The following AZIN2 variants were observed in gnomAD, a reference collection of about 807,000 sequenced individuals.
The protein encoded by AZIN2 is ODC antizyme inhibitor-2.
AZIN2 carries 28 observed loss-of-function variants against 47.8 expected under a neutral mutation model. The observed-to-expected ratio is 0.59, with a 90% CI of 0.43 to 0.80. The LOEUF (loss-of-function observed/expected upper bound fraction) is 0.80, where lower values mean the gene tolerates loss of function less well. Ranked by LOEUF, AZIN2 falls within the 30% of genes least tolerant of loss-of-function variation. The pLI is 0.00. For synonymous variants in AZIN2, 221 were observed against 239.4 expected (o/e 0.92, Z 0.71); for missense variants, 535 against 582.5 (o/e 0.92, Z 0.84).
At chr1:33,091,766 T>C (rs1461146595) in intron 5 of AZIN2, among the ~76,000 whole-genome samples, 2 of 152,342 alleles carry the variant, frequency 1.3e-5, no homozygotes, top group Admixed American at 6.5e-5. Flanking sequence ...CAGGAAGTTT[T>C]AATAAATATA....
chr1:33,095,181 C>T (rs1219045472), intron 8 of AZIN2, among the ~76,000 whole-genome samples: 1 of 152,214 alleles, frequency 6.6e-6, no homozygotes, highest in Non-Finnish European at 1.5e-5. Context: ...GTTCCCACTC[C>T]AACCACTAGA....
intron 5 of AZIN2, 66 bp downstream of exon 5, chr1:33,084,193 T>C: frequency 6.3e-7 from 1 of 1,583,678 alleles, no homozygotes; most frequent in African/African-American, 1.3e-5. Context: ...GCCAGGCTAG[T>C]CCAGGTGGGC....
the AZIN2 span, among the ~76,000 whole-genome samples, chr1:33,140,236 A>G: frequency 1.3e-5 from 2 of 152,340 alleles, no homozygotes; most frequent in African/African-American, 4.8e-5. This position sits in a 1 kb window ranked among gnomAD's most constrained non-coding sequence, Gnocchi z 4.0. Flanking sequence ...GGAGCTGTCC[A>G]GGGTCATTGG....
At chr1:33,126,215 G>A (rs1305612337), downstream of AZIN2, among the ~76,000 whole-genome samples, 5 of 152,160 alleles carry the variant, frequency 3.3e-5, no homozygotes, top group Non-Finnish European at 5.9e-5. Flanking sequence ...AGAAATTACT[G>A]AATGAAGGAA....
the AZIN2 span, among the ~76,000 whole-genome samples, chr1:33,161,173 C>T: frequency 2.0e-4 from 31 of 152,294 alleles, no homozygotes; most frequent in African/African-American, 7.5e-4. This position sits in a 1 kb window ranked among gnomAD's most constrained non-coding sequence, Gnocchi z 4.3. Context: ...AGAGAAAGAG[C>T]CTGGTTATTG....
the AZIN2 span, chr1:33,165,450 C>G: frequency 6.4e-7 from 1 of 1,567,428 alleles, no homozygotes; most frequent in Non-Finnish European, 8.7e-7. This position sits in a 1 kb window ranked among gnomAD's most constrained non-coding sequence, Gnocchi z 4.0. Flanking sequence ...GGCCCCACCT[C>G]CGCGCCCCGG....
At chr1:33,161,004 G>C in the AZIN2 span, among the ~76,000 whole-genome samples, 9 of 152,222 alleles carry the variant, frequency 5.9e-5, no homozygotes, top group Non-Finnish European at 1.3e-4. The surrounding 1 kb of genome is among the most constrained non-coding windows in gnomAD (Gnocchi z 4.3). Context: ...GACAGTCTGC[G>C]TAAGGACTCT....
intron 5 of AZIN2, among the ~76,000 whole-genome samples, chr1:33,085,569 G>A (rs956712529): frequency 6.6e-6 from 1 of 152,194 alleles, no homozygotes; most frequent in Non-Finnish European, 1.5e-5. Flanking sequence ...ATGGCTGGAT[G>A]TTGTGAGGAG....
chr1:33,117,782 G>A (rs1644619347), intron 10 of AZIN2, 120 bp from the exon 11 acceptor site: 2 of 1,088,178 alleles, frequency 1.8e-6, no homozygotes, highest in East Asian at 4.7e-5. Context: ...TGCTAAGCTA[G>A]GAGGCCCATC....
chr1:33,089,443 T>A (rs995400112), intron 5 of AZIN2, among the ~76,000 whole-genome samples: 2 of 152,016 alleles, frequency 1.3e-5, no homozygotes, highest in Admixed American at 6.5e-5. Context: ...AATTAAAAAA[T>A]ATATATATTT....
intron 10 of AZIN2, among the ~76,000 whole-genome samples, chr1:33,109,710 A>T (rs527354): frequency 0.32 from 48,228 of 151,726 alleles, 7,995 homozygotes; most frequent in African/African-American, 0.41. Context: ...ATTGTGCCTT[A>T]GGTGTTGTGT....
At chr1:33,136,976 G>A in the AZIN2 span, among the ~76,000 whole-genome samples, 1 of 150,448 alleles carries the variant, frequency 6.6e-6, no homozygotes, top group Non-Finnish European at 1.5e-5. Flanking sequence ...CAGCCTGGGC[G>A]ACAGAGCAAG....
At chr1:33,147,074 C>T in the AZIN2 span, 40 of 1,339,888 alleles carry the variant, frequency 3.0e-5, 3 homozygotes, top group South Asian at 5.0e-4. The surrounding 1 kb of genome is among the most constrained non-coding windows in gnomAD (Gnocchi z 8.1). Context: ...GGCCTGAGGT[C>T]TCCAGTGGCC....
rs774897631 is a variant in AZIN2 at position 33,104,008 on chromosome 1, G to A, written c.1029+5829G>A. Among the ~76,000 whole-genome samples the A allele has an allele frequency of 6.6e-5, 10 of 151,592 alleles. No individual in the cohort carries two copies. The East Asian group carries it at 1.2e-3, about 18-fold the overall frequency. On this transcript the variant is annotated intron_variant, in intron 10 of 11. Transcript: ENST00000294517. ...AGTGATTCTGCTGCCTCAGCTTCCC[G>A]AGTAGCTGGGATTACAGGCGCCCGT... is the stretch of plus-strand genomic sequence containing the variant.
chr1:33,112,511 A>G (rs1644332344), intron 10 of AZIN2, among the ~76,000 whole-genome samples: 1 of 152,206 alleles, frequency 6.6e-6, no homozygotes, highest in African/African-American at 2.4e-5. Flanking sequence ...GTTTAGGGTT[A>G]GGTACACTCA....
chr1:33,128,771 A>C, the AZIN2 span, among the ~76,000 whole-genome samples: 1 of 152,202 alleles, frequency 6.6e-6, no homozygotes, highest in Non-Finnish European at 1.5e-5. Context: ...GAGAAGTCAG[A>C]ATGGATGGCT....
the AZIN2 span, among the ~76,000 whole-genome samples, chr1:33,134,959 C>T: frequency 1.3e-5 from 2 of 152,180 alleles, no homozygotes; most frequent in African/African-American, 4.8e-5. Context: ...TGTTTCACTC[C>T]ACATAAATAT....
the AZIN2 span, among the ~76,000 whole-genome samples, chr1:33,128,548 C>T: frequency 1.1e-3 from 160 of 152,348 alleles, no homozygotes; most frequent in Middle Eastern, 6.8e-3. Context: ...GGGAAAGTCT[C>T]TGCCTAATCT....
At chr1:33,131,788 ATTATAT>A in the AZIN2 span, among the ~76,000 whole-genome samples, 1 of 152,154 alleles carries the variant, frequency 6.6e-6, no homozygotes, top group African/African-American at 2.4e-5. Context: ...TATACCTCAC[ATTATAT>A]TTATGTTGGA....
Sources: gnomAD v4.1 joint callset for allele counts (sites outside exome capture counted in the v4.1 genomes callset) on GRCh38, gnomAD v4.1.1 for gene constraint, Gnocchi (gnomAD v3.1) non-coding constraint, MANE v1.5 for transcripts, NCBI Gene and HGNC (gene_info 2026-07-23, HGNC 2026-07-21) for gene names.